Variants in CADM1 observed in about 807,000 individuals in gnomAD.
CADM1 encodes cell adhesion molecule 1.
A neutral mutation model predicts 53.1 loss-of-function variants in CADM1; 15 were observed. The ratio of observed to expected loss-of-function variants is 0.28; its 90% CI spans 0.19 to 0.44. CADM1 has a LOEUF of 0.44. Ranked by LOEUF, CADM1 falls within the 20% of genes least tolerant of loss-of-function variation. The probability of loss-of-function intolerance (pLI) is 1.00; values close to 1 mark genes in which losing one functional copy is unlikely to be tolerated. For synonymous variants in CADM1, 281 were observed against 243.0 expected, an observed-to-expected ratio of 1.16 and a Z score of -1.45; for missense variants, 434 against 611.3, an observed-to-expected ratio of 0.71 and a Z score of 3.06.
rs1938918341 is a variant in CADM1 at position 115,174,291 on chromosome 11, GTTTTTC to G, written c.*2177_*2182del. ...ATTTTTTTTTTTTGTTTTTGTTTTT[GTTTTTC>G]TTTTTTTCTAAAAAGAACAACTGAA... On this transcript the variant is annotated 3_prime_UTR_variant, in exon 12 of 12. Coordinates refer to ENST00000331581, the MANE Select transcript of CADM1 (RefSeq NM_001301043.2). 6.1e-6 allele frequency: 6 copies of G among 976,576 alleles called. No individual in the cohort carries two copies. The African/African-American group carries it at 8.9e-5, about 15-fold the overall frequency. 60.5% of individuals were successfully genotyped at this position (976,576 alleles called of 1,614,324 possible). A position where few individuals can be genotyped will look rare whatever the true frequency, so the allele number is the denominator to read the frequency against.
intron 1 of CADM1, among the ~76,000 whole-genome samples, chr11:115,292,908 C>T (rs1001032395): frequency 2.0e-5 from 3 of 152,128 alleles, no homozygotes; most frequent in African/African-American, 4.8e-5. Context: ...GAGACAAGGA[C>T]GCCCCTTGCT....
intron 1 of CADM1, among the ~76,000 whole-genome samples, chr11:115,418,927 T>G (rs1947683931): frequency 6.6e-6 from 1 of 152,186 alleles, no homozygotes; most frequent in Non-Finnish European, 1.5e-5. Context: ...AAGAGCCCAT[T>G]GAATCATAAT....
At chr11:115,425,581 A>C (rs1947869271) in intron 1 of CADM1, among the ~76,000 whole-genome samples, 1 of 152,190 alleles carries the variant, frequency 6.6e-6, no homozygotes, top group Admixed American at 6.5e-5. Flanking sequence ...AAATACTGTT[A>C]TTTTAACTAC....
At chr11:115,179,199 G>A (rs1412049359) in intron 10 of CADM1, 1 of 228,610 alleles carries the variant, frequency 4.4e-6, no homozygotes, top group African/African-American at 2.2e-5. Flanking sequence ...GACGCCCAAT[G>A]ACTTTTATTA....
At chr11:115,318,452 G>C (rs1944733064) in intron 1 of CADM1, among the ~76,000 whole-genome samples, 1 of 152,146 alleles carries the variant, frequency 6.6e-6, no homozygotes, top group African/African-American at 2.4e-5. Flanking sequence ...TGAAACTAGA[G>C]TCATAATGTC....
At chr11:115,488,377 C>T (rs923944587) in intron 1 of CADM1, among the ~76,000 whole-genome samples, 1 of 152,192 alleles carries the variant, frequency 6.6e-6, no homozygotes, top group Non-Finnish European at 1.5e-5. Flanking sequence ...AGAGGCCCTC[C>T]TCCCCCTCCC....
At chr11:115,455,718 AG>A (rs1428855368) in intron 1 of CADM1, among the ~76,000 whole-genome samples, 6 of 152,214 alleles carry the variant, frequency 3.9e-5, no homozygotes, top group African/African-American at 1.4e-4. Context: ...TCCCTTCAAA[AG>A]CTCCTCCCCC....
chr11:115,421,532 C>T (rs977879303), intron 1 of CADM1, among the ~76,000 whole-genome samples: 1 of 152,208 alleles, frequency 6.6e-6, no homozygotes, highest in Admixed American at 6.5e-5. Flanking sequence ...CGCTCACCAG[C>T]GGTGCCAAAC....
chr11:115,332,993 C>A (rs908059685), intron 1 of CADM1, among the ~76,000 whole-genome samples: 7 of 152,060 alleles, frequency 4.6e-5, no homozygotes, highest in Non-Finnish European at 8.8e-5. Context: ...ACACCCTGTG[C>A]GAGGTCCTCC....
At chr11:115,428,406 T>C (rs1437957310) in intron 1 of CADM1, among the ~76,000 whole-genome samples, 1 of 152,110 alleles carries the variant, frequency 6.6e-6, no homozygotes, top group African/African-American at 2.4e-5. Context: ...AATATATAAA[T>C]GGGACTCATT....
At position 115,352,150 on chromosome 11, in the gene CADM1, A is replaced by C. The variant is rs573717871; in HGVS notation, c.125-111730T>G. On this transcript the variant is annotated intron_variant, in intron 1 of 11. Transcript: ENST00000331581. ...TCAAATTAAAAGCCCCCAAGTTACC[A>C]TAACAAAATCTCTGAAACTGTATAA... is the stretch of plus-strand genomic sequence containing the variant. Among the ~76,000 whole-genome samples, 6 of 152,360 alleles carry C rather than the reference A, an allele frequency of 3.9e-5. No homozygotes were observed. The South Asian group carries it at 1.0e-3, about 26-fold the overall frequency.
chr11:115,231,603 G>C (rs1382670062), intron 3 of CADM1, 113 bp from the exon 4 acceptor site: 3 of 983,268 alleles, frequency 3.1e-6, no homozygotes, highest in Non-Finnish European at 4.9e-6. Context: ...CATCACAAGA[G>C]GCGAAAAAGA....
chr11:115,342,081 C>CAA (rs1188439903), intron 1 of CADM1, among the ~76,000 whole-genome samples: 3 of 152,096 alleles, frequency 2.0e-5, no homozygotes, highest in Non-Finnish European at 4.4e-5. Flanking sequence ...TATCCATCTA[C>CAA]AAACAAAAAT....
chr11:115,328,692 G>GTA (rs1302621004), intron 1 of CADM1, among the ~76,000 whole-genome samples: 1 of 17,512 alleles, frequency 5.7e-5, no homozygotes, highest in Non-Finnish European at 8.6e-5. Context: ...ATATATATGT[G>GTA]TATATATATG....
intron 1 of CADM1, among the ~76,000 whole-genome samples, chr11:115,465,342 A>G (rs1001258036): frequency 6.6e-6 from 1 of 152,194 alleles, no homozygotes; most frequent in Non-Finnish European, 1.5e-5. Context: ...AAAAAGCTCC[A>G]TATGATGAAC....
At chr11:115,203,389 A>G (rs1007161221) in intron 8 of CADM1, among the ~76,000 whole-genome samples, 7 of 152,148 alleles carry the variant, frequency 4.6e-5, no homozygotes, top group African/African-American at 1.7e-4. Flanking sequence ...AAAGAAGAGG[A>G]TGTTGCCACG....
At chr11:115,211,731 C>T (rs1161904567) in intron 7 of CADM1, among the ~76,000 whole-genome samples, 1 of 151,586 alleles carries the variant, frequency 6.6e-6, no homozygotes, top group African/African-American at 2.4e-5. Context: ...CCTTGTGATC[C>T]ACCCACCTCG....
At chr11:115,388,209 CAGAT>C (rs1268577180) in intron 1 of CADM1, among the ~76,000 whole-genome samples, 1 of 151,986 alleles carries the variant, frequency 6.6e-6, no homozygotes, top group East Asian at 1.9e-4. Flanking sequence ...GGCAGACAGA[CAGAT>C]AGATGGATAG....
intron 1 of CADM1, among the ~76,000 whole-genome samples, chr11:115,486,905 A>G (rs927600619): frequency 1.3e-5 from 2 of 152,116 alleles, no homozygotes; most frequent in Non-Finnish European, 2.9e-5. Flanking sequence ...ATATCCCTCT[A>G]ATGGAAAGAT....
Sources: allele counts gnomAD v4.1 joint callset (sites outside exome capture counted in the v4.1 genomes callset), GRCh38; gene constraint gnomAD v4.1.1; transcripts MANE v1.5; gene names NCBI Gene and HGNC (gene_info 2026-07-23, HGNC 2026-07-21).